Variants in RBFOX3 observed in about 807,000 individuals in gnomAD.
The protein encoded by RBFOX3 is RNA binding protein fox-1 homolog 3.
In RBFOX3, 17 loss-of-function variants were observed where a neutral mutation model predicts 48.7. That is an observed-to-expected ratio of 0.35 (90% CI 0.24 to 0.52). The LOEUF (loss-of-function observed/expected upper bound fraction) is 0.52, where lower values mean the gene tolerates loss of function less well. Among genes scored for constraint, RBFOX3 ranks in the 20% least tolerant of loss-of-function variants. RBFOX3 has a pLI of 0.94. For synonymous variants in RBFOX3, 212 were observed against 209.5 expected (o/e 1.01, Z -0.10); for missense variants, 382 against 497.5 (o/e 0.77, Z 2.21).
At chr17:79,620,191 A>G in the RBFOX3 span, among the ~76,000 whole-genome samples, 2,987 of 147,740 alleles carry the variant, frequency 0.02, 101 homozygotes, top group African/African-American at 0.071. Flanking sequence ...ACATGTGCAC[A>G]TGCACACACG....
intron 1 of RBFOX3, among the ~76,000 whole-genome samples, chr17:79,485,948 C>T (rs1043188442): frequency 2.6e-4 from 39 of 152,360 alleles, no homozygotes; most frequent in Non-Finnish European, 4.3e-4. Context: ...TTCCCCACTC[C>T]GCAGTGGGAA....
intron 2 of RBFOX3, among the ~76,000 whole-genome samples, chr17:79,410,007 GT>G (rs1267378288): frequency 1.3e-5 from 2 of 152,262 alleles, no homozygotes; most frequent in Admixed American, 6.5e-5. Context: ...ATGGAAGGAT[GT>G]GTTGTGATTT....
intron 1 of RBFOX3, chr17:79,598,734 T>C (rs1198347969): frequency 6.6e-6 from 1 of 151,978 alleles, no homozygotes; most frequent in Non-Finnish European, 1.5e-5. Context: ...AAAAAATAAG[T>C]TTTTGAGTTG....
intron 3 of RBFOX3, among the ~76,000 whole-genome samples, chr17:79,281,853 A>G (rs1166554291): frequency 1.3e-5 from 2 of 152,200 alleles, no homozygotes; most frequent in African/African-American, 4.8e-5. Flanking sequence ...CCGTCCTGGC[A>G]TTGGGTGCTT....
At chr17:79,515,967 A>T (rs2085196048) in intron 1 of RBFOX3, 1 of 152,264 alleles carries the variant, frequency 6.6e-6, no homozygotes, top group African/African-American at 2.4e-5. Context: ...CCAGGACCGA[A>T]GTCAAGGTGT....
At chr17:79,194,913 T>TTTTG (rs56228526) in intron 4 of RBFOX3, among the ~76,000 whole-genome samples, 3 of 151,854 alleles carry the variant, frequency 2.0e-5, no homozygotes, top group African/African-American at 4.8e-5. Context: ...GTGCCCCCAG[T>TTTTG]TTTGTTTGTT....
At chr17:79,342,678 C>T (rs920478671) in intron 2 of RBFOX3, among the ~76,000 whole-genome samples, 2 of 152,026 alleles carry the variant, frequency 1.3e-5, no homozygotes, top group African/African-American at 2.4e-5. Flanking sequence ...GGGCTTTGTG[C>T]GGAAAGGCAG....
intron 3 of RBFOX3, among the ~76,000 whole-genome samples, chr17:79,267,870 G>A (rs1056697662): frequency 2.0e-5 from 3 of 152,160 alleles, no homozygotes; most frequent in East Asian, 1.9e-4. Context: ...AGCTAGGAAC[G>A]CGCAAGGCAG....
chr17:79,545,996 T>C (rs1362710483), intron 1 of RBFOX3, among the ~76,000 whole-genome samples: 2 of 152,272 alleles, frequency 1.3e-5, no homozygotes, highest in Non-Finnish European at 2.9e-5. Context: ...GCATGTATAC[T>C]ACTGCACAAG....
chr17:79,416,855 C>A (rs2065448639), intron 2 of RBFOX3, among the ~76,000 whole-genome samples: 1 of 152,210 alleles, frequency 6.6e-6, no homozygotes, highest in South Asian at 2.1e-4. Flanking sequence ...AACTGTGGGC[C>A]CAGGGGATGT....
rs548147558 is a variant in RBFOX3, at chr17:79,466,538, C to A, written c.-175+15916G>T. Among the ~76,000 whole-genome samples the A allele has an allele frequency of 6.4e-3, 971 of 152,326 alleles. 6 individuals are homozygous for A. The highest frequency in any genetic ancestry group is 0.018 in the African/African-American group (748 of 41,568). ...GGACCTTGGGAGGGTCACCTGCAGC[C>A]CTTCTGGAGACCACAGGGACCAATA... is the stretch of plus-strand genomic sequence containing the variant. On this transcript the variant is annotated intron_variant, in intron 2 of 14. Coordinates refer to ENST00000693108, the MANE Select transcript of RBFOX3 (RefSeq NM_001350451.2).
rs569806467 is a variant in RBFOX3, at chr17:79,149,926, G to A, written c.-33-34178C>T. 6.7e-4 allele frequency among the ~76,000 whole-genome samples: 95 copies of A among 141,056 alleles called. 1 individual carries two copies. The highest frequency in any genetic ancestry group is 1.0e-3 in the Non-Finnish European group (68 of 64,920). The allele number at this position is 141,056 out of a possible 152,430, so 92.5% of individuals were successfully genotyped here. A position where few individuals can be genotyped will look rare whatever the true frequency, so the allele number is the denominator to read the frequency against. On this transcript the variant is annotated intron_variant, in intron 4 of 14. Transcript: ENST00000693108. ...TATAATAAGCAGTGACAGTGGCTGC[G>A]CTGAGGACTCAGGCTAAGTGCCAGG...
At chr17:79,317,169 T>C (rs777657677) in intron 2 of RBFOX3, among the ~76,000 whole-genome samples, 2 of 152,050 alleles carry the variant, frequency 1.3e-5, no homozygotes, top group Admixed American at 6.5e-5. Context: ...CAGGCTCCAA[T>C]TGCCACTTTC....
Position 79,198,881 on chromosome 17 carries a change from G to A in RBFOX3, c.-34+36885C>T, listed in dbSNP as rs186158456. On this transcript the variant is annotated intron_variant, in intron 4 of 14. Coordinates refer to ENST00000693108, the MANE Select transcript of RBFOX3 (RefSeq NM_001350451.2). This position sits in a 1 kb window ranked among gnomAD's most constrained non-coding sequence, Gnocchi z 8.2. ...TGACCTCAGGTGATCCACTCGCCTCGGCCTCCCAAAGTGCTGGGATTACAG... is the reference window on the plus strand; with the variant it reads ...TGACCTCAGGTGATCCACTCGCCTCAGCCTCCCAAAGTGCTGGGATTACAG... Among the ~76,000 whole-genome samples the A allele has an allele frequency of 9.2e-5, 14 of 152,156 alleles. No individual in the cohort carries two copies. Among genetic ancestry groups the A allele is most frequent in the South Asian group, 6.2e-4 (3 of 4,806 alleles).
intron 2 of RBFOX3, among the ~76,000 whole-genome samples, chr17:79,398,038 A>C (rs1206817349): frequency 6.6e-6 from 1 of 152,056 alleles, no homozygotes; most frequent in Admixed American, 6.5e-5. Context: ...CAGGAGTTTA[A>C]AGAGGAGGAA....
chr17:79,652,049 G>A, the RBFOX3 span, among the ~76,000 whole-genome samples: 131,719 of 151,702 alleles, frequency 0.87, 59,862 homozygotes, highest in Non-Finnish European at 1. Flanking sequence ...GCAAATTCAC[G>A]ACACACCCCA....
chr17:79,137,237 G>GCACA (rs4012813), intron 4 of RBFOX3, among the ~76,000 whole-genome samples: 285 of 150,298 alleles, frequency 1.9e-3, no homozygotes, highest in Middle Eastern at 3.5e-3. Flanking sequence ...CCCTCTTCAT[G>GCACA]CACACACACA....
At position 79,471,971 on chromosome 17, in the gene RBFOX3, T is replaced by C. The variant is rs2077121247; in HGVS notation, c.-175+10483A>G. Among the ~76,000 whole-genome samples the C allele has an allele frequency of 6.6e-6, 1 of 152,218 alleles. No individual in the cohort carries two copies. Among genetic ancestry groups the C allele is most frequent in the African/African-American group, 2.4e-5 (1 of 41,448 alleles). Reference sequence around the variant, plus strand: ...GTGCAGCACTGTGGGAGAAACAAGTTGCAGCCTGTGCCCTTAAGGAACTCC... The same window carrying C: ...GTGCAGCACTGTGGGAGAAACAAGTCGCAGCCTGTGCCCTTAAGGAACTCC... On this transcript the variant is annotated intron_variant, in intron 2 of 14. Coordinates refer to ENST00000693108, the MANE Select transcript of RBFOX3 (RefSeq NM_001350451.2). The surrounding 1 kb of genome is among the most constrained non-coding windows in gnomAD (Gnocchi z 4.0).
rs1010446767 is a variant in RBFOX3 at position 79,579,205 on chromosome 17, G to A, written c.-320+31621C>T. On this transcript the variant is annotated intron_variant, in intron 1 of 14. Coordinates refer to ENST00000693108, the MANE Select transcript of RBFOX3 (RefSeq NM_001350451.2). ...CTGCCCTGTGGGGAGGCACAGACCC[G>A]ACTGGGCTCCCTGTCCCCTGCCCGA... 8.9e-4 allele frequency among the ~76,000 whole-genome samples: 136 copies of A among 152,270 alleles called. 1 individual carries two copies. The highest frequency in any genetic ancestry group is 3.0e-3 in the African/African-American group (126 of 41,566).
Sources: allele counts gnomAD v4.1 joint callset (sites outside exome capture counted in the v4.1 genomes callset), GRCh38; gene constraint gnomAD v4.1.1; non-coding constraint Gnocchi (gnomAD v3.1); transcripts MANE v1.5; gene names NCBI Gene and HGNC (gene_info 2026-07-23, HGNC 2026-07-21).